The following ERC2 variants were observed in gnomAD, a reference collection of about 807,000 sequenced individuals.
ERC2 encodes ELKS/RAB6-interacting/CAST family member 2.
ERC2 carries 42 observed loss-of-function variants against 114.8 expected under a neutral mutation model. The ratio of observed to expected loss-of-function variants is 0.37; its 90% confidence interval spans 0.29 to 0.47. The LOEUF (loss-of-function observed/expected upper bound fraction) is 0.47, where lower values mean the gene tolerates loss of function less well. Among genes scored for constraint, ERC2 ranks in the 20% least tolerant of loss-of-function variants. The pLI is 0.99. For missense variants in ERC2, 939 were observed against 1,150.7 expected (o/e 0.82, Z 2.66); for synonymous variants, 454 against 425.5 (o/e 1.07, Z -0.82).
intron 2 of ERC2, among the ~76,000 whole-genome samples, chr3:56,361,550 T>C (rs2058959003): frequency 6.6e-6 from 1 of 152,208 alleles, no homozygotes; most frequent in South Asian, 2.1e-4. Flanking sequence ...AGACTCAATA[T>C]TCTATGTTTT....
At chr3:56,005,751 A>G (rs760692358) in intron 10 of ERC2, among the ~76,000 whole-genome samples, 2 of 152,070 alleles carry the variant, frequency 1.3e-5, no homozygotes, top group Admixed American at 6.6e-5. Context: ...TAAGGAGCCA[A>G]TGAATTTCTC....
At chr3:56,278,963 A>C (rs2150316028) in intron 3 of ERC2, among the ~76,000 whole-genome samples, 1 of 152,310 alleles carries the variant, frequency 6.6e-6, no homozygotes, top group South Asian at 2.1e-4. Flanking sequence ...TGAGTTTTTG[A>C]GTATTACATA....
At chr3:55,914,138 A>G (rs1235490243) in intron 13 of ERC2, among the ~76,000 whole-genome samples, 1 of 152,120 alleles carries the variant, frequency 6.6e-6, no homozygotes, top group Non-Finnish European at 1.5e-5. Context: ...ATTTTCAGTT[A>G]TTATTTTCAT....
intron 17 of ERC2, among the ~76,000 whole-genome samples, chr3:55,655,722 G>T (rs1035188278): frequency 4.6e-5 from 7 of 152,148 alleles, no homozygotes. Context: ...CTGAGGGTCT[G>T]AGTCACTGTA....
At chr3:56,361,422 G>A (rs557192750) in intron 2 of ERC2, among the ~76,000 whole-genome samples, 2 of 152,124 alleles carry the variant, frequency 1.3e-5, no homozygotes, top group Non-Finnish European at 2.9e-5. Context: ...GAAAACAGAG[G>A]AATCCAAAAA....
At chr3:56,298,435 C>T (rs2055599791) in intron 2 of ERC2, among the ~76,000 whole-genome samples, 1 of 152,024 alleles carries the variant, frequency 6.6e-6, no homozygotes, top group Admixed American at 6.6e-5. Flanking sequence ...ATAGCAGCAA[C>T]ATTCATATTA....
chr3:56,247,290 A>G (rs1009708121), intron 3 of ERC2, among the ~76,000 whole-genome samples: 4 of 151,966 alleles, frequency 2.6e-5, no homozygotes, highest in Non-Finnish European at 4.4e-5. Flanking sequence ...TCTTAGAAAC[A>G]ACTTTTTAAA....
At chr3:56,464,333 G>T (rs1208626312) in intron 1 of ERC2, among the ~76,000 whole-genome samples, 1 of 152,208 alleles carries the variant, frequency 6.6e-6, no homozygotes, top group Admixed American at 6.5e-5. Flanking sequence ...CAGGAGAAAA[G>T]CATGCCCCAG....
At chr3:56,304,780 T>C (rs1451343147) in intron 2 of ERC2, among the ~76,000 whole-genome samples, 3 of 152,178 alleles carry the variant, frequency 2.0e-5, no homozygotes, top group South Asian at 2.1e-4. Context: ...GCTCAAGATA[T>C]AAAGTCTTAG....
chr3:56,325,832 A>T (rs1244172317), intron 2 of ERC2, among the ~76,000 whole-genome samples: 1 of 152,202 alleles, frequency 6.6e-6, no homozygotes, highest in Non-Finnish European at 1.5e-5. Flanking sequence ...CAAAGAGAAA[A>T]GTCACTTGCT....
chr3:56,093,120 C>T (rs1175266975), intron 6 of ERC2, among the ~76,000 whole-genome samples: 3 of 152,098 alleles, frequency 2.0e-5, no homozygotes, highest in African/African-American at 7.2e-5. Flanking sequence ...GTTTTAGAGT[C>T]GTGTCTCTCA....
chr3:55,762,563 T>TA lies in ERC2; in HGVS notation c.2565-27646dup, dbSNP rs535516387. ...TTTTTTTAAAAAGTAATATTAAAGGTAATACATATTGTAAGCTAGTTAGTT... is the reference window on the plus strand; with the variant it reads ...TTTTTTTAAAAAGTAATATTAAAGGTAAATACATATTGTAAGCTAGTTAGTT... On this transcript the variant is annotated intron_variant, in intron 14 of 17. Transcript: ENST00000288221. Among the ~76,000 whole-genome samples, 585 of 152,236 alleles carry TA rather than the reference T, an allele frequency of 3.8e-3. 3 individuals are homozygous for TA. Among genetic ancestry groups the TA allele is most frequent in the African/African-American group, 0.014 (566 of 41,510 alleles).
At position 55,729,837 on chromosome 3, in the gene ERC2, CAAAAAAAAAAAAA is replaced by C. The variant is rs71096498; in HGVS notation, c.2712+4921_2712+4933del. 8.9e-3 allele frequency among the ~76,000 whole-genome samples: 550 copies of C among 61,654 alleles called. 14 individuals carry two copies. The highest frequency in any genetic ancestry group is 0.017 in the Middle Eastern group (1 of 58). 40.4% of individuals were successfully genotyped at this position (61,654 alleles called of 152,430 possible). ...AGGGTAATGCAGTGAGACTCTATCG[CAAAAAAAAAAAAA>C]AAAAAAAAAAAAAAATTGTAAGCTA... On this transcript the variant is annotated intron_variant, in intron 15 of 17. Coordinates refer to ENST00000288221, the MANE Select transcript of ERC2 (RefSeq NM_015576.3).
rs71096498 is a variant in ERC2, at chr3:55,729,837, C to CAAAA, written c.2712+4930_2712+4933dup. Among the ~76,000 whole-genome samples the CAAAA allele has an allele frequency of 2.0e-3, 122 of 61,622 alleles. 31 individuals carry two copies. The highest frequency in any genetic ancestry group is 6.9e-3 in the East Asian group (12 of 1,746). 40.4% of individuals were successfully genotyped at this position (61,622 alleles called of 152,430 possible). A position where few individuals can be genotyped will look rare whatever the true frequency, so the allele number is the denominator to read the frequency against. ...AGGGTAATGCAGTGAGACTCTATCG[C>CAAAA]AAAAAAAAAAAAAAAAAAAAAAAAA... On this transcript the variant is annotated intron_variant, in intron 15 of 17. Transcript: ENST00000288221.
intron 7 of ERC2, among the ~76,000 whole-genome samples, chr3:56,049,192 T>C (rs1297475536): frequency 3.3e-5 from 5 of 152,158 alleles, no homozygotes; most frequent in Non-Finnish European, 7.3e-5. Flanking sequence ...TGACTCGACT[T>C]GTGTTGACAA....
chr3:55,794,886 A>G (rs2070349964), intron 14 of ERC2, among the ~76,000 whole-genome samples: 1 of 152,158 alleles, frequency 6.6e-6, no homozygotes, highest in Non-Finnish European at 1.5e-5. Flanking sequence ...TACAGGATTC[A>G]TTTACATTAC....
intron 12 of ERC2, chr3:55,955,172 A>T (rs1391406808): frequency 1.5e-5 from 8 of 516,502 alleles, no homozygotes; most frequent in South Asian, 1.1e-4. Flanking sequence ...GTCTATAAAA[A>T]CAGTGGTCAT....
At chr3:56,179,307 TG>T (rs1415595111) in intron 3 of ERC2, among the ~76,000 whole-genome samples, 1 of 150,992 alleles carries the variant, frequency 6.6e-6, no homozygotes. Context: ...AGTGCAGGGG[TG>T]GGTGGGAATG....
intron 2 of ERC2, among the ~76,000 whole-genome samples, chr3:56,381,380 G>T (rs1347638848): frequency 6.6e-6 from 1 of 152,092 alleles, no homozygotes; most frequent in Admixed American, 6.6e-5. Flanking sequence ...CCTGCAGTGA[G>T]CTGTATAGAA....
Sources: allele counts gnomAD v4.1 joint callset (sites outside exome capture counted in the v4.1 genomes callset), GRCh38; gene constraint gnomAD v4.1.1; transcripts MANE v1.5; gene names NCBI Gene and HGNC (gene_info 2026-07-23, HGNC 2026-07-21).